The following TBC1D26 variants were observed in gnomAD, a reference collection of about 807,000 sequenced individuals.
TBC1D26 encodes TBC1 domain family member 26.
In TBC1D26, 19 loss-of-function variants were observed where a neutral mutation model predicts 42.5. The ratio of observed to expected loss-of-function variants is 0.45; its 90% CI spans 0.31 to 0.66. TBC1D26 has a LOEUF of 0.66. TBC1D26 is among the 30% of genes least tolerant of loss of function. TBC1D26 has a pLI of 0.06. For synonymous variants in TBC1D26, 97 were observed against 123.5 expected (o/e 0.79, Z 1.42); for missense variants, 228 against 332.6 (o/e 0.69, Z 2.45).
At chr17:15,741,414 T>C in intron 10 of TBC1D26, 193 bp downstream of exon 10, 1 of 917,188 alleles carries the variant, frequency 1.1e-6, no homozygotes, top group South Asian at 1.7e-5. Context: ...AGGAACCCCC[T>C]CACCTCAAGT....
At position 15,744,254 on chromosome 17, in the gene TBC1D26, C is replaced by T. The variant is rs1457140477; in HGVS notation, c.1069C>T (p.Gln357Ter). 6.6e-6 allele frequency: 1 copy of T among 152,208 alleles called. No individual in the cohort carries two copies. Among genetic ancestry groups the T allele is most frequent in the African/African-American group, 2.4e-5 (1 of 41,440 alleles). The allele number at this position is 152,208 out of a possible 1,614,324, so 9.4% of individuals were successfully genotyped here. A position where few individuals can be genotyped will look rare whatever the true frequency, so the allele number is the denominator to read the frequency against. The change falls in exon 15 of 15, where the codon CAA becomes TAA. Residue 357 changes from glutamine (Q) to a stop codon, truncating the protein, a stop_gained. Transcript: ENST00000437605. LOFTEE classifies it high-confidence loss of function. Reference protein sequence around the residue: ...WDLPPPGSLLQNAHCYTIAWG... With the variant: ...WDLPPPGSLL Reference sequence around the variant, plus strand: ...CTCCAATCACGCAGGGAGCTTGCTACAAAATGCACATTGCTATACCATAGC... The same window carrying T: ...CTCCAATCACGCAGGGAGCTTGCTATAAAATGCACATTGCTATACCATAGC...
rs547374822 is a variant in TBC1D26, at chr17:15,738,233, G to A, written c.280-47G>A. On this transcript the variant is annotated intron_variant, in intron 6 of 14. Coordinates refer to ENST00000437605, the MANE Select transcript of TBC1D26 (RefSeq NM_001388465.1). ...GGCCTGTTCGCCAGCTTTGCTCTGC[G>A]GGGTCGCCCCATGTCCTTTCTCACT... 45 of 1,610,986 alleles carry A rather than the reference G, an allele frequency of 2.8e-5. No homozygotes were observed. In the Admixed American group the frequency reaches 5.3e-4, roughly 19 times the overall value.
intron 10 of TBC1D26, 164 bp downstream of exon 10, chr17:15,741,385 C>T: frequency 7.7e-7 from 1 of 1,301,906 alleles, no homozygotes; most frequent in Non-Finnish European, 1.0e-6. Context: ...TGAGGTCCTA[C>T]AGCAGCCTGG....
chr17:15,738,565 C>T (rs565608618), intron 7 of TBC1D26, 156 bp from the exon 8 acceptor site: 2 of 1,389,628 alleles, frequency 1.4e-6, no homozygotes, highest in Admixed American at 3.9e-5. Flanking sequence ...TGCTGACCCT[C>T]CCTGGTGTCA....
Position 15,738,405 on chromosome 17 carries a change from T to G in TBC1D26, c.387+18T>G, listed in dbSNP as rs1290866628. 1.9e-6 allele frequency: 3 copies of G among 1,611,764 alleles called. No homozygotes were observed. The South Asian group carries it at 3.3e-5, about 18-fold the overall frequency. On this transcript the variant is annotated intron_variant, in intron 7 of 14. Coordinates refer to ENST00000437605, the MANE Select transcript of TBC1D26 (RefSeq NM_001388465.1). ...AATATAAGGTAAGTCCCTCCCACACTCAGCTAGGAGTACAAACAAGCTAGA... is the reference window on the plus strand; with the variant it reads ...AATATAAGGTAAGTCCCTCCCACACGCAGCTAGGAGTACAAACAAGCTAGA...
At chr17:15,737,547 G>C (rs1287579874) in intron 5 of TBC1D26, 24 bp downstream of exon 5, 1 of 1,602,820 alleles carries the variant, frequency 6.2e-7, no homozygotes, top group African/African-American at 1.3e-5. Flanking sequence ...CCTGCTGCGT[G>C]GGAGGCTGCT....
Position 15,738,340 on chromosome 17 carries a change from T to C in TBC1D26, c.340T>C (p.Leu114=), listed in dbSNP as rs1567723936. 6.2e-7 allele frequency: 1 copy of C among 1,613,690 alleles called. No individual in the cohort carries two copies. Among genetic ancestry groups the C allele is most frequent in the Non-Finnish European group, 8.5e-7 (1 of 1,180,034 alleles). Residue 114 remains leucine, a synonymous_variant, in exon 7 of 15, where the codon TTG becomes CTG. Coordinates refer to ENST00000437605, the MANE Select transcript of TBC1D26 (RefSeq NM_001388465.1). ...GGTACGGGGCCGGGCGTGGTCACTT[T>C]TGCTAGATATTGACAGAATCAAGTC... ...LAVRGRAWSL[L]LDIDRIKSQN...
At chr17:15,733,288 T>C (rs376740040) in intron 1 of TBC1D26, among the ~76,000 whole-genome samples, 2 of 151,556 alleles carry the variant, frequency 1.3e-5, no homozygotes, top group East Asian at 1.9e-4. Flanking sequence ...AGGCACGGGG[T>C]TTGTCCTTAG....
At chr17:15,740,958 CAT>C in intron 9 of TBC1D26, 162 bp from the exon 10 acceptor site, 1 of 895,728 alleles carries the variant, frequency 1.1e-6, no homozygotes, top group South Asian at 1.6e-5. Flanking sequence ...GCTCAGTCCT[CAT>C]GTCCAGTGCC....
At chr17:15,736,236 C>T (rs894546968) in intron 4 of TBC1D26, among the ~76,000 whole-genome samples, 1 of 152,246 alleles carries the variant, frequency 6.6e-6, no homozygotes, top group African/African-American at 2.4e-5. Context: ...ACTGAAGGCC[C>T]CGGGAGTGGT....
At chr17:15,742,386 C>G (rs1005714384) in intron 11 of TBC1D26, 28 bp from the exon 12 acceptor site, 15 of 380,990 alleles carry the variant, frequency 3.9e-5, no homozygotes, top group African/African-American at 2.1e-4. Context: ...GCCCAGGGGG[C>G]CCTGAGCACG....
chr17:15,740,866 G>C (rs1231425019), intron 9 of TBC1D26: 2 of 629,994 alleles, frequency 3.2e-6, no homozygotes, highest in Non-Finnish European at 5.1e-6. Flanking sequence ...ATCCCTGACT[G>C]TGCCCTTTCG....
At chr17:15,743,784 C>G (rs1206365557) in intron 14 of TBC1D26, 1 of 152,250 alleles carries the variant, frequency 6.6e-6, no homozygotes, top group Admixed American at 6.6e-5. Context: ...GGTGAAACCC[C>G]GTCTCTACTA....
chr17:15,741,273 C>T (rs781323771), intron 10 of TBC1D26, 52 bp downstream of exon 10: 8 of 1,610,216 alleles, frequency 5.0e-6, no homozygotes, highest in Middle Eastern at 3.5e-4. Context: ...GGGCCTTACA[C>T]AGCCATGCCA....
chr17:15,738,698 C>G (rs534081644), intron 7 of TBC1D26, 23 bp from the exon 8 acceptor site: 1 of 1,613,986 alleles, frequency 6.2e-7, no homozygotes, highest in African/African-American at 1.3e-5. Flanking sequence ...AGGCTGCTTC[C>G]TCCTCTTGGC....
chr17:15,737,897 G>A, intron 5 of TBC1D26, 100 bp from the exon 6 acceptor site: 1 of 1,500,808 alleles, frequency 6.7e-7, no homozygotes, highest in Admixed American at 1.7e-5. Flanking sequence ...GCTTCTTCAA[G>A]TTGGGTCCCT....
chr17:15,738,282 G>A lies in TBC1D26; in HGVS notation c.282G>A (p.Leu94=). 3 of 1,613,892 alleles carry A rather than the reference G, an allele frequency of 1.9e-6. No individual in the cohort carries two copies. Among genetic ancestry groups the A allele is most frequent in the Non-Finnish European group, 2.5e-6 (3 of 1,180,028 alleles). The change falls in exon 7 of 15, where the codon CTG becomes CTA. Residue 94 remains leucine (L), a splice_region_variant and synonymous_variant. Coordinates refer to ENST00000437605, the MANE Select transcript of TBC1D26 (RefSeq NM_001388465.1). ...DWTKYRSTKK[L]SQRVYKVIPL... ...CTGGAGTGTTCTTCTGTCTGTAGCTGTCTCAAAGAGTATACAAAGTCATTC... is the reference window on the plus strand; with the variant it reads ...CTGGAGTGTTCTTCTGTCTGTAGCTATCTCAAAGAGTATACAAAGTCATTC...
intron 4 of TBC1D26, chr17:15,736,426 G>C (rs1176945984): frequency 2.0e-5 from 3 of 151,952 alleles, no homozygotes; most frequent in Non-Finnish European, 4.4e-5. Flanking sequence ...GCCTGGGGAG[G>C]ACAACAGATG....
intron 9 of TBC1D26, chr17:15,740,515 T>C: frequency 8.2e-7 from 1 of 1,217,306 alleles, no homozygotes. Context: ...GAGCCTCTTC[T>C]TCACTGGAAA....
Sources: allele counts gnomAD v4.1 joint callset (sites outside exome capture counted in the v4.1 genomes callset), GRCh38; gene constraint gnomAD v4.1.1; transcripts MANE v1.5; gene names NCBI Gene and HGNC (gene_info 2026-07-23, HGNC 2026-07-21).